The following COL19A1 variants were observed in gnomAD, a reference collection of about 807,000 sequenced individuals.
The protein encoded by COL19A1 is collagen alpha-1(XIX) chain.
COL19A1 carries 159 observed loss-of-function variants against 190.2 expected under a neutral mutation model. The observed-to-expected ratio is 0.84, with a 90% CI of 0.73 to 0.95. The LOEUF (loss-of-function observed/expected upper bound fraction) is 0.95. Ranked by LOEUF, COL19A1 falls within the 40% of genes least tolerant of loss-of-function variation. The pLI is 0.00. For missense variants in COL19A1, 1,418 were observed against 1,431.9 expected (o/e 0.99, Z 0.16); for synonymous variants, 509 against 458.9 (o/e 1.11, Z -1.39).
chr6:70,182,322 A>G (rs1766225445), intron 44 of COL19A1, among the ~76,000 whole-genome samples: 1 of 152,158 alleles, frequency 6.6e-6, no homozygotes, highest in African/African-American at 2.4e-5. Flanking sequence ...ACTATGTGAG[A>G]GTGCTGCTGT....
chr6:69,877,915 G>A (rs1768239304), intron 1 of COL19A1, among the ~76,000 whole-genome samples: 1 of 152,054 alleles, frequency 6.6e-6, no homozygotes, highest in Non-Finnish European at 1.5e-5. Flanking sequence ...TGAGGCAGGA[G>A]AATTGCTTGA....
intron 27 of COL19A1, among the ~76,000 whole-genome samples, chr6:70,147,459 G>A (rs952932512): frequency 2.6e-5 from 4 of 152,018 alleles, no homozygotes; most frequent in African/African-American, 7.2e-5. Context: ...TCAAATAATA[G>A]TAAATGTACA....
chr6:70,156,220 A>G lies in COL19A1; in HGVS notation c.2173A>G (p.Met725Val). The G allele has an allele frequency of 6.2e-7, 1 of 1,613,324 alleles. No individual in the cohort carries two copies. Among genetic ancestry groups the G allele is most frequent in the Non-Finnish European group, 8.5e-7 (1 of 1,179,554 alleles). ...TGGTGAGCCTGGAAAGTATGATTCC[A>G]TGGCCCGGAAGGTGAGAAGCCTGGC... is the stretch of plus-strand genomic sequence containing the variant. ...GAGEPGKYDS[M>V]ARKGDIGPRG... Residue 725 changes from methionine to valine, a missense_variant, in exon 32 of 51, where the codon ATG becomes GTG. By Grantham distance (21) the Met-to-Val change is conservative. Coordinates refer to ENST00000620364, the MANE Select transcript of COL19A1 (RefSeq NM_001858.6).
chr6:69,907,390 A>G (rs1704970315), intron 4 of COL19A1, among the ~76,000 whole-genome samples: 1 of 152,062 alleles, frequency 6.6e-6, no homozygotes, highest in Non-Finnish European at 1.5e-5. Context: ...TCGGCCCCCC[A>G]AAGTGCTGGG....
At chr6:69,869,015 T>C (rs549522152) in intron 1 of COL19A1, among the ~76,000 whole-genome samples, 3 of 141,996 alleles carry the variant, frequency 2.1e-5, no homozygotes, top group Non-Finnish European at 3.0e-5. Flanking sequence ...TATGCTAATA[T>C]ATAACCCTGA....
At chr6:69,957,589 G>A (rs1774500426) in intron 9 of COL19A1, among the ~76,000 whole-genome samples, 1 of 151,982 alleles carries the variant, frequency 6.6e-6, no homozygotes, top group Admixed American at 6.6e-5. Context: ...AGTTTTGAAA[G>A]TTATGGTTTC....
chr6:70,063,873 C>G (rs1378119840), intron 14 of COL19A1, among the ~76,000 whole-genome samples: 7 of 152,162 alleles, frequency 4.6e-5, no homozygotes, highest in Non-Finnish European at 5.9e-5. Context: ...ACTAGAAAAT[C>G]TAGAAGAAAT....
In COL19A1 at chr6:69,879,263, A is replaced by G. The variant is rs140189454; in HGVS notation, c.-32-273A>G. Among the ~76,000 whole-genome samples, 172 of 152,296 alleles carry G rather than the reference A, an allele frequency of 1.1e-3. 2 individuals carry two copies. The East Asian group carries it at 0.025, about 22-fold the overall frequency. On this transcript the variant is annotated intron_variant, in intron 1 of 50. Coordinates refer to ENST00000620364, the MANE Select transcript of COL19A1 (RefSeq NM_001858.6). ...AGTGTCAGTTTAAGTGTAGTTGCTT[A>G]AAAAAATTTAAAAGCAGAGAAAATT... is the stretch of plus-strand genomic sequence containing the variant.
chr6:70,168,617 C>A, intron 39 of COL19A1, 38 bp from the exon 40 acceptor site: 1 of 1,607,560 alleles, frequency 6.2e-7, no homozygotes, highest in South Asian at 1.1e-5. Context: ...CTGCTTTGGT[C>A]ATTATTTGAA....
At chr6:70,082,473 T>C (rs770808969) in intron 15 of COL19A1, among the ~76,000 whole-genome samples, 22 of 152,236 alleles carry the variant, frequency 1.4e-4, no homozygotes, top group Middle Eastern at 6.8e-3. Flanking sequence ...AGTGCAGTGG[T>C]GCGATCTTGG....
chr6:69,870,822 G>A (rs377586970), intron 1 of COL19A1, among the ~76,000 whole-genome samples: 1 of 152,196 alleles, frequency 6.6e-6, no homozygotes, highest in South Asian at 2.1e-4. Flanking sequence ...TGGTAAAAAC[G>A]TGAACTAAGG....
intron 8 of COL19A1, among the ~76,000 whole-genome samples, chr6:69,937,727 T>G (rs1773201734): frequency 6.6e-6 from 1 of 152,106 alleles, no homozygotes; most frequent in Admixed American, 6.6e-5. Flanking sequence ...TAGTGGCCAA[T>G]ATTGCATAGT....
At chr6:70,089,648 GT>G (rs1231339247) in intron 15 of COL19A1, among the ~76,000 whole-genome samples, 2 of 152,124 alleles carry the variant, frequency 1.3e-5, no homozygotes, top group African/African-American at 2.4e-5. Flanking sequence ...ACTGGTTTGT[GT>G]TTTCTAAATG....
chr6:70,125,450 C>T (rs552439542), intron 17 of COL19A1, among the ~76,000 whole-genome samples: 2 of 152,244 alleles, frequency 1.3e-5, no homozygotes, highest in East Asian at 1.9e-4. Flanking sequence ...TCCCAGGATC[C>T]TCACTTGCCC....
At chr6:70,037,556 T>C (rs979093916) in intron 14 of COL19A1, among the ~76,000 whole-genome samples, 3 of 152,248 alleles carry the variant, frequency 2.0e-5, no homozygotes, top group African/African-American at 7.2e-5. Flanking sequence ...TTAACTAAGT[T>C]ACATGCAGTC....
Position 69,929,580 on chromosome 6 carries a change from C to T in COL19A1, c.546C>T (p.Val182=). The part of the protein sequence containing the change: ...HKLGISIQSQ[V]ISLYMDCNLI... The stretch of plus-strand genomic sequence containing the variant: ...TTGGCATTAGTATACAATCCCAGGT[C>T]ATTTCACTTTATATGGATTGTAATT... Residue 182 remains valine, a synonymous_variant, in exon 6 of 51, where the codon GTC becomes GTT. Coordinates refer to ENST00000620364, the MANE Select transcript of COL19A1 (RefSeq NM_001858.6). The T allele has an allele frequency of 6.2e-7, 1 of 1,613,992 alleles. No homozygotes were observed. The highest frequency in any genetic ancestry group is 8.5e-7 in the Non-Finnish European group (1 of 1,179,968).
chr6:70,142,533 AG>A (rs1786325739), intron 22 of COL19A1, among the ~76,000 whole-genome samples: 2 of 151,882 alleles, frequency 1.3e-5, no homozygotes, highest in Non-Finnish European at 2.9e-5. Flanking sequence ...GGGTAGGGCA[AG>A]TTACCAGGTA....
intron 11 of COL19A1, among the ~76,000 whole-genome samples, chr6:69,998,060 GA>G (rs1315036687): frequency 6.6e-6 from 1 of 152,044 alleles, no homozygotes; most frequent in Non-Finnish European, 1.5e-5. Flanking sequence ...AAAGGCCTTA[GA>G]ATGACATACT....
At chr6:69,957,088 G>A (rs1237324983) in intron 9 of COL19A1, among the ~76,000 whole-genome samples, 2 of 151,984 alleles carry the variant, frequency 1.3e-5, no homozygotes, top group African/African-American at 4.8e-5. Flanking sequence ...GCAAACTATA[G>A]CCCTAGGGAA....
Sources: allele counts gnomAD v4.1 joint callset (sites outside exome capture counted in the v4.1 genomes callset), GRCh38; gene constraint gnomAD v4.1.1; transcripts MANE v1.5; gene names NCBI Gene and HGNC (gene_info 2026-07-23, HGNC 2026-07-21).